The following TMEM200A variants were observed in gnomAD, a reference collection of about 807,000 sequenced individuals.
TMEM200A encodes the protein two transmembrane C.
A neutral mutation model predicts 24.3 loss-of-function variants in TMEM200A; 12 were observed. The observed-to-expected ratio is 0.49, with a 90% confidence interval of 0.32 to 0.80. TMEM200A has a LOEUF of 0.80. Among genes scored for constraint, TMEM200A ranks in the 30% least tolerant of loss-of-function variants. The pLI, the probability that TMEM200A is intolerant of heterozygous loss-of-function variation, is 0.04. For synonymous variants in TMEM200A, 224 were observed against 224.4 expected, an observed-to-expected ratio of 1.00 and a Z score of 0.02; for missense variants, 545 against 614.4, an observed-to-expected ratio of 0.89 and a Z score of 1.19.
intron 2 of TMEM200A, among the ~76,000 whole-genome samples, chr6:130,410,065 AATATC>A (rs1254822758): frequency 6.6e-6 from 1 of 152,210 alleles, no homozygotes; most frequent in Non-Finnish European, 1.5e-5. Context: ...TGCTGGATTG[AATATC>A]ATATATTTTG....
intron 2 of TMEM200A, among the ~76,000 whole-genome samples, chr6:130,427,951 T>C (rs74436832): frequency 0.018 from 2,791 of 152,264 alleles, 23 homozygotes; most frequent in Non-Finnish European, 0.027. Context: ...GTGTAGAAGA[T>C]ACTTGAAGCT....
intron 2 of TMEM200A, among the ~76,000 whole-genome samples, chr6:130,393,548 T>G (rs912162059): frequency 6.6e-6 from 1 of 152,192 alleles, no homozygotes; most frequent in Non-Finnish European, 1.5e-5. Context: ...TGAGCAAAGA[T>G]CATGTTCATG....
rs886675529 is a variant in TMEM200A at position 130,375,504 on chromosome 6, G to T, written c.-81+8980G>T. Reference sequence around the variant, plus strand: ...TGGAGGAGCTTACATTGTAAATGGAGGACACAAACAGGAAACATATAAATG... The same window carrying T: ...TGGAGGAGCTTACATTGTAAATGGATGACACAAACAGGAAACATATAAATG... On this transcript the variant is annotated intron_variant, in intron 1 of 2. Coordinates refer to ENST00000296978, the MANE Select transcript of TMEM200A (RefSeq NM_001258277.2). 3.9e-5 allele frequency among the ~76,000 whole-genome samples: 6 copies of T among 152,288 alleles called. No individual in the cohort carries two copies. In the East Asian group the frequency reaches 1.2e-3, roughly 29 times the overall value.
chr6:130,397,411 G>A (rs1486296811), intron 2 of TMEM200A, among the ~76,000 whole-genome samples: 4 of 151,964 alleles, frequency 2.6e-5, no homozygotes, highest in Non-Finnish European at 5.9e-5. Flanking sequence ...TTAAACTCAT[G>A]TTGTTGGATA....
intron 1 of TMEM200A, among the ~76,000 whole-genome samples, chr6:130,367,778 G>A (rs1285090054): frequency 6.6e-6 from 1 of 152,174 alleles, no homozygotes; most frequent in African/African-American, 2.4e-5. Context: ...CAATTTAACA[G>A]TATGATTTTT....
At chr6:130,387,772 T>C (rs1778743851) in intron 2 of TMEM200A, among the ~76,000 whole-genome samples, 2 of 152,220 alleles carry the variant, frequency 1.3e-5, no homozygotes, top group Admixed American at 6.5e-5. Flanking sequence ...CAGTTATGCA[T>C]GAGGCTCTTT....
At chr6:130,381,237 C>A (rs1778588872) in intron 1 of TMEM200A, among the ~76,000 whole-genome samples, 1 of 152,170 alleles carries the variant, frequency 6.6e-6, no homozygotes, top group East Asian at 1.9e-4. Flanking sequence ...GGGAACTTAT[C>A]AGTGGTCCTA....
In TMEM200A at chr6:130,366,149, G is replaced by A; in HGVS notation, c.-456G>A. 1.0e-6 allele frequency: 1 copy of A among 985,362 alleles called. No homozygotes were observed. The highest frequency in any genetic ancestry group is 1.2e-6 in the Non-Finnish European group (1 of 829,926). 61.0% of individuals were successfully genotyped at this position (985,362 alleles called of 1,614,324 possible). A position where few individuals can be genotyped will look rare whatever the true frequency, so the allele number is the denominator to read the frequency against. ...GCTTGCTGCGCCCGGTGCCCTCCGA[G>A]GGCAGGCGCGCCTGGACTCTGCGCC... is the stretch of plus-strand genomic sequence containing the variant. On this transcript the variant is annotated 5_prime_UTR_variant, in exon 1 of 3. Coordinates refer to ENST00000296978, the MANE Select transcript of TMEM200A (RefSeq NM_001258277.2). This position sits in a 1 kb window ranked among gnomAD's most constrained non-coding sequence, Gnocchi z 4.4.
chr6:130,426,515 CT>C (rs1489319851), intron 2 of TMEM200A, among the ~76,000 whole-genome samples: 1 of 148,434 alleles, frequency 6.7e-6, no homozygotes, highest in Non-Finnish European at 1.5e-5. Context: ...TGTCCAGCCT[CT>C]GTGGCTGCCT....
chr6:130,442,114 C>A lies in TMEM200A; in HGVS notation c.*216C>A. ...CACACATGATTTTATTTTTCTCTTC[C>A]TTTGAAAGCATGATCTCTTTTATTA... On this transcript the variant is annotated 3_prime_UTR_variant, in exon 3 of 3. Coordinates refer to ENST00000296978, the MANE Select transcript of TMEM200A (RefSeq NM_001258277.2). The A allele has an allele frequency of 2.4e-6, 1 of 417,946 alleles. No individual in the cohort carries two copies. The highest frequency in any genetic ancestry group is 4.4e-6 in the Non-Finnish European group (1 of 228,904). 25.9% of individuals were successfully genotyped at this position (417,946 alleles called of 1,614,324 possible).
intron 2 of TMEM200A, among the ~76,000 whole-genome samples, chr6:130,389,017 A>C (rs995917055): frequency 8.5e-5 from 13 of 152,342 alleles, no homozygotes; most frequent in Admixed American, 2.6e-4. Flanking sequence ...TATAATATGA[A>C]AGTAGCACTA....
intron 1 of TMEM200A, among the ~76,000 whole-genome samples, chr6:130,375,847 A>G (rs1253999319): frequency 6.6e-6 from 1 of 152,158 alleles, no homozygotes; most frequent in Non-Finnish European, 1.5e-5. Flanking sequence ...TAATGATGAT[A>G]TTGGTATTGG....
At chr6:130,369,331 T>G (rs1023607325) in intron 1 of TMEM200A, among the ~76,000 whole-genome samples, 9 of 152,174 alleles carry the variant, frequency 5.9e-5, no homozygotes, top group Admixed American at 5.9e-4. Flanking sequence ...ACTGCCTTTC[T>G]GCAGGATTTG....
intron 2 of TMEM200A, among the ~76,000 whole-genome samples, chr6:130,426,338 C>T (rs1333988992): frequency 3.3e-5 from 5 of 152,024 alleles, no homozygotes; most frequent in South Asian, 2.1e-4. Flanking sequence ...ACAGGACAAA[C>T]GGAGGGAGTG....
At chr6:130,394,892 G>A (rs1778913344) in intron 2 of TMEM200A, among the ~76,000 whole-genome samples, 2 of 152,254 alleles carry the variant, frequency 1.3e-5, no homozygotes, top group South Asian at 4.1e-4. Context: ...CGAGGGTAAG[G>A]ATATGAAAGT....
At chr6:130,405,693 T>G (rs546437387) in intron 2 of TMEM200A, among the ~76,000 whole-genome samples, 1 of 152,354 alleles carries the variant, frequency 6.6e-6, no homozygotes, top group Admixed American at 6.5e-5. Flanking sequence ...AGTCATGGTT[T>G]CCAGCTCCTA....
At chr6:130,380,626 C>T (rs1270276913) in intron 1 of TMEM200A, among the ~76,000 whole-genome samples, 1 of 152,042 alleles carries the variant, frequency 6.6e-6, no homozygotes, top group African/African-American at 2.4e-5. Context: ...TGATGGTGGA[C>T]CCTGAGGGAA....
intron 1 of TMEM200A, among the ~76,000 whole-genome samples, chr6:130,374,766 G>T (rs1184102414): frequency 6.6e-6 from 1 of 152,052 alleles, no homozygotes; most frequent in Non-Finnish European, 1.5e-5. Context: ...CTTCTATAAT[G>T]TTAGTCACTG....
At chr6:130,418,321 A>C (rs1779505902) in intron 2 of TMEM200A, among the ~76,000 whole-genome samples, 1 of 152,226 alleles carries the variant, frequency 6.6e-6, no homozygotes, top group South Asian at 2.1e-4. Context: ...AAGTAGTATT[A>C]TTTCCATCAC....
Sources: gnomAD v4.1 joint callset for allele counts (sites outside exome capture counted in the v4.1 genomes callset) on GRCh38, gnomAD v4.1.1 for gene constraint, Gnocchi (gnomAD v3.1) non-coding constraint, MANE v1.5 for transcripts, NCBI Gene and HGNC (gene_info 2026-07-23, HGNC 2026-07-21) for gene names.